The following GSTA5 variants were observed in gnomAD, a reference collection of about 807,000 sequenced individuals.
GSTA5 encodes the protein glutathione S-transferase alpha 5.
Under a neutral mutation model 21.8 loss-of-function variants are expected in GSTA5, and 25 were observed. That is an observed-to-expected ratio of 1.14 (90% CI 0.83 to 1.60). The LOEUF is 1.60. GSTA5 is among the 40% of genes most tolerant of loss of function. The pLI is 0.00. For missense variants in GSTA5, 330 were observed against 259.2 expected (o/e 1.27, Z -1.88); for synonymous variants, 102 against 89.5 (o/e 1.14, Z -0.78).
At chr6:52,842,816 T>C (rs1214186263), upstream of GSTA5, among the ~76,000 whole-genome samples, 1 of 152,234 alleles carries the variant, frequency 6.6e-6, no homozygotes, top group Non-Finnish European at 1.5e-5. Context: ...GTTTGTTACA[T>C]AGGTATGCAC....
At chr6:52,840,229 A>G (rs1764353343) in intron 1 of GSTA5, among the ~76,000 whole-genome samples, 1 of 152,206 alleles carries the variant, frequency 6.6e-6, no homozygotes, top group South Asian at 2.1e-4. Flanking sequence ...ATAATTATCA[A>G]CCAAAACCAA....
chr6:52,832,875 C>T (rs1259450475), exon 5 of GSTA5: 2 of 1,613,830 alleles, frequency 1.2e-6, no homozygotes, highest in East Asian at 4.5e-5. Flanking sequence ...CAGAGGGAAG[C>T]TGGAGATAAG....
intron 4 of GSTA5, 137 bp from the exon 5 acceptor site, chr6:52,833,127 C>A (rs921132456): frequency 2.1e-6 from 2 of 968,720 alleles, no homozygotes; most frequent in Non-Finnish European, 3.2e-6. Flanking sequence ...CAAGCTTTCT[C>A]CACATTATCT....
the GSTA5 span, chr6:52,846,075 C>T: frequency 6.3e-6 from 1 of 158,608 alleles, no homozygotes; most frequent in Non-Finnish European, 1.4e-5. Flanking sequence ...TAAACTCTGT[C>T]ACTGTCGTGG....
chr6:52,833,472 C>T (rs73439335), intron 4 of GSTA5, among the ~76,000 whole-genome samples: 3,477 of 152,252 alleles, frequency 0.023, 136 homozygotes, highest in African/African-American at 0.078. Context: ...CTCCTCATTC[C>T]CTGCTCTATC....
upstream of GSTA5, among the ~76,000 whole-genome samples, chr6:52,845,438 G>C (rs1764441199): frequency 6.6e-6 from 1 of 152,164 alleles, no homozygotes; most frequent in Non-Finnish European, 1.5e-5. Flanking sequence ...GGGCCGGACA[G>C]ATCTCCATTC....
intron 4 of GSTA5, among the ~76,000 whole-genome samples, chr6:52,833,352 A>T (rs1457130857): frequency 6.6e-6 from 1 of 152,122 alleles, no homozygotes; most frequent in Non-Finnish European, 1.5e-5. Flanking sequence ...GTGGCTCTAC[A>T]TTCTGCTCCC....
In GSTA5 at chr6:52,833,116, C is replaced by T; in HGVS notation, c.415-126G>A. The T allele has an allele frequency of 2.8e-6, 3 of 1,062,968 alleles. No individual in the cohort carries two copies. The South Asian group carries it at 4.3e-5, about 15-fold the overall frequency. The allele number at this position is 1,062,968 out of a possible 1,614,324, so 65.8% of individuals were successfully genotyped here. A position where few individuals can be genotyped will look rare whatever the true frequency, so the allele number is the denominator to read the frequency against. On this transcript the variant is annotated intron_variant, in intron 4 of 5. Coordinates refer to ENST00000370989, the Ensembl canonical transcript of GSTA5. ...GCCTTATTGCATGGGTGCAGAAATCCCAAGCTTTCTCCACATTATCTGAAT... is the reference window on the plus strand; with the variant it reads ...GCCTTATTGCATGGGTGCAGAAATCTCAAGCTTTCTCCACATTATCTGAAT...
chr6:52,834,698 T>TTC (rs1286199921), intron 3 of GSTA5, among the ~76,000 whole-genome samples: 14 of 152,176 alleles, frequency 9.2e-5, no homozygotes, highest in African/African-American at 3.4e-4. Context: ...AGAGCTGCCC[T>TTC]CTAAGTAATC....
exon 6 of GSTA5, chr6:52,831,946 G>A (rs1202863401): frequency 5.0e-6 from 8 of 1,613,440 alleles, no homozygotes; most frequent in East Asian, 2.2e-5. Flanking sequence ...ACCGTGGGCA[G>A]GTTGCTGATT....
exon 5 of GSTA5, chr6:52,832,955 G>A: frequency 6.2e-7 from 1 of 1,614,100 alleles, no homozygotes; most frequent in South Asian, 1.1e-5. Flanking sequence ...TCAGCTTGTT[G>A]CCAACAAGGT....
At position 52,831,960 on chromosome 6, in the gene GSTA5, G is replaced by T. The variant is rs1477825276; in HGVS notation, c.557C>A (p.Thr186Asn). 1.2e-6 allele frequency: 2 copies of T among 1,612,760 alleles called. No homozygotes were observed. The highest frequency in any genetic ancestry group is 2.2e-5 in the East Asian group (1 of 44,870). ...CACCGTGGGCAGGTTGCTGATTCTG[G>T]TTTTCAGGGCCTGTAATCCACAAAG... is the stretch of plus-strand genomic sequence containing the variant. Residue 186 changes from threonine to asparagine, a missense_variant, in exon 6 of 6, where the codon ACC (threonine) becomes AAC (asparagine). Thr to Asn is a moderately conservative substitution (Grantham distance 65). Coordinates refer to ENST00000370989, the Ensembl canonical transcript of GSTA5.
intron 2 of GSTA5, among the ~76,000 whole-genome samples, chr6:52,837,153 C>G (rs984837744): frequency 2.0e-5 from 3 of 152,064 alleles, no homozygotes; most frequent in Non-Finnish European, 4.4e-5. Flanking sequence ...CTTTGTCACG[C>G]CCCCCCATGA....
intron 5 of GSTA5, among the ~76,000 whole-genome samples, chr6:52,832,283 A>T (rs948090714): frequency 5.3e-5 from 8 of 152,208 alleles, no homozygotes; most frequent in African/African-American, 1.9e-4. Flanking sequence ...GTGAGATATC[A>T]ACACAGATCA....
chr6:52,839,333 T>A (rs1192144499), intron 1 of GSTA5, among the ~76,000 whole-genome samples: 1 of 152,134 alleles, frequency 6.6e-6, no homozygotes. Context: ...CCCTCCCTCC[T>A]GCTGAACTCT....
chr6:52,839,235 T>C (rs1468428254), intron 1 of GSTA5, among the ~76,000 whole-genome samples: 3 of 152,172 alleles, frequency 2.0e-5, no homozygotes, highest in African/African-American at 7.2e-5. Context: ...CCCAGAAGCC[T>C]GAGCAAGGTC....
intron 5 of GSTA5, 31 bp downstream of exon 5, chr6:52,832,828 G>T: frequency 6.2e-7 from 1 of 1,613,244 alleles, no homozygotes; most frequent in Non-Finnish European, 8.5e-7. Flanking sequence ...AGAGATGTGG[G>T]GCTGTCTCTC....
At chr6:52,834,163 C>G (rs556406136) in exon 4 of GSTA5, 13 of 1,614,100 alleles carry the variant, frequency 8.1e-6, no homozygotes, top group Non-Finnish European at 1.1e-5. Flanking sequence ...AGGGAAGTAG[C>G]GATTTTTTAT....
chr6:52,834,042 C>A (rs1208966517), intron 4 of GSTA5, 99 bp downstream of exon 4: 9 of 1,325,482 alleles, frequency 6.8e-6, no homozygotes, highest in Non-Finnish European at 9.8e-6. Context: ...CATGAAGTCT[C>A]ACTGAAAGTG....
Sources: allele counts gnomAD v4.1 joint callset (sites outside exome capture counted in the v4.1 genomes callset), GRCh38; gene constraint gnomAD v4.1.1; transcripts MANE v1.5; gene names NCBI Gene and HGNC (gene_info 2026-07-23, HGNC 2026-07-21).